TAS2R1: variants seen among roughly 807,000 people sequenced by gnomAD.
TAS2R1 encodes taste 2 receptor member 1.
For missense variants in TAS2R1, 370 were observed against 353.4 expected (o/e 1.05, Z -0.38); for synonymous variants, 141 against 134.2 (o/e 1.05, Z -0.35).
chr5:9,641,747 C>A (rs571769898), intron 2 of TAS2R1: 1 of 152,286 alleles, frequency 6.6e-6, no homozygotes, highest in South Asian at 2.1e-4. Flanking sequence ...ACAACAAATA[C>A]AATTTTTAAA....
chr5:9,824,265 C>T, the TAS2R1 span, among the ~76,000 whole-genome samples: 20 of 152,298 alleles, frequency 1.3e-4, no homozygotes, highest in East Asian at 3.1e-3. Flanking sequence ...TCCTATCTCT[C>T]CAGTAGTCCC....
the TAS2R1 span, among the ~76,000 whole-genome samples, chr5:9,794,530 T>C: frequency 2.6e-5 from 4 of 152,336 alleles, no homozygotes; most frequent in Admixed American, 1.3e-4. Flanking sequence ...ATTCTTATTT[T>C]ACACAAAAAT....
At chr5:9,738,780 G>A in the TAS2R1 span, among the ~76,000 whole-genome samples, 7 of 152,070 alleles carry the variant, frequency 4.6e-5, no homozygotes, top group East Asian at 1.2e-3. Flanking sequence ...CAGCAAAGAG[G>A]AAGCCCACAG....
At chr5:9,632,758 C>CT (rs1254270161), upstream of TAS2R1, among the ~76,000 whole-genome samples, 4 of 152,288 alleles carry the variant, frequency 2.6e-5, no homozygotes, top group African/African-American at 9.6e-5. Context: ...TCAGGCTCTA[C>CT]TTCTAATTAT....
At chr5:9,780,692 C>CGT in the TAS2R1 span, among the ~76,000 whole-genome samples, 83 of 78,372 alleles carry the variant, frequency 1.1e-3, no homozygotes, top group African/African-American at 2.7e-3. Flanking sequence ...TGTGTGTGTG[C>CGT]GCGCGCGCGC....
intron 1 of TAS2R1, among the ~76,000 whole-genome samples, chr5:9,710,882 TAC>T (rs1446696708): frequency 3.1e-5 from 3 of 96,690 alleles, no homozygotes; most frequent in South Asian, 3.5e-4. Context: ...TATATATGCA[TAC>T]ACACACACAC....
chr5:9,830,389 G>T, the TAS2R1 span, among the ~76,000 whole-genome samples: 1 of 152,076 alleles, frequency 6.6e-6, no homozygotes, highest in Non-Finnish European at 1.5e-5. Flanking sequence ...ATAGGTATAT[G>T]ACAAAGAAAG....
At chr5:9,896,105 T>C in the TAS2R1 span, among the ~76,000 whole-genome samples, 11 of 152,246 alleles carry the variant, frequency 7.2e-5, no homozygotes, top group Non-Finnish European at 1.5e-4. Context: ...ACAAGGTATA[T>C]GGATCCTGAG....
chr5:9,887,164 T>C, the TAS2R1 span, among the ~76,000 whole-genome samples: 1 of 152,206 alleles, frequency 6.6e-6, no homozygotes, highest in East Asian at 1.9e-4. Flanking sequence ...TCAGATGTCA[T>C]TTTGATTTTA....
At chr5:9,784,517 G>C in the TAS2R1 span, among the ~76,000 whole-genome samples, 1 of 152,236 alleles carries the variant, frequency 6.6e-6, no homozygotes, top group Admixed American at 6.5e-5. Context: ...GGATAGCACA[G>C]GGTTTCAACC....
At chr5:9,737,468 T>C in the TAS2R1 span, among the ~76,000 whole-genome samples, 3 of 152,310 alleles carry the variant, frequency 2.0e-5, no homozygotes, top group East Asian at 5.8e-4. Flanking sequence ...TGCTGAGTGC[T>C]TTGACAGCAC....
chr5:9,861,818 G>A, the TAS2R1 span, among the ~76,000 whole-genome samples: 2 of 152,158 alleles, frequency 1.3e-5, no homozygotes, highest in African/African-American at 4.8e-5. Context: ...CTCAGCTCCT[G>A]CCCTAGCCCC....
chr5:9,717,676 C>A, the TAS2R1 span, among the ~76,000 whole-genome samples: 1 of 138,618 alleles, frequency 7.2e-6, no homozygotes. Flanking sequence ...AATAAAATGT[C>A]AAGGAAAAGA....
intron 1 of TAS2R1, among the ~76,000 whole-genome samples, chr5:9,696,969 C>T (rs1224375419): frequency 6.6e-6 from 1 of 151,894 alleles, no homozygotes; most frequent in Non-Finnish European, 1.5e-5. Flanking sequence ...GGCTAGATCA[C>T]GCCATTGCAC....
At chr5:9,890,152 C>T in the TAS2R1 span, among the ~76,000 whole-genome samples, 1 of 152,222 alleles carries the variant, frequency 6.6e-6, no homozygotes, top group East Asian at 1.9e-4. Flanking sequence ...CCACAGTTTT[C>T]ATGAACAAGT....
the TAS2R1 span, among the ~76,000 whole-genome samples, chr5:9,836,425 T>C: frequency 3.0e-4 from 45 of 152,096 alleles, no homozygotes; most frequent in African/African-American, 1.1e-3. Flanking sequence ...GGCTGTCATG[T>C]GCATTGTGGG....
intron 1 of TAS2R1, among the ~76,000 whole-genome samples, chr5:9,686,989 A>T (rs188400837): frequency 6.6e-6 from 1 of 151,264 alleles, no homozygotes; most frequent in Non-Finnish European, 1.5e-5. Flanking sequence ...TTTGAGATGG[A>T]GTTTTGCTTT....
intron 1 of TAS2R1, among the ~76,000 whole-genome samples, chr5:9,687,830 A>C (rs1404031102): frequency 6.6e-6 from 1 of 152,170 alleles, no homozygotes; most frequent in Non-Finnish European, 1.5e-5. Flanking sequence ...TCCCTTTCCC[A>C]TAACCTGTTT....
At chr5:9,828,386 A>G in the TAS2R1 span, among the ~76,000 whole-genome samples, 1 of 152,192 alleles carries the variant, frequency 6.6e-6, no homozygotes, top group Admixed American at 6.5e-5. Context: ...TCAGGCTCCC[A>G]AAGTGCTGGG....
Sources: gnomAD v4.1 joint callset for allele counts (sites outside exome capture counted in the v4.1 genomes callset) on GRCh38, gnomAD v4.1.1 for gene constraint, MANE v1.5 for transcripts, NCBI Gene and HGNC (gene_info 2026-07-23, HGNC 2026-07-21) for gene names.